Variants in LUZP2 observed in about 807,000 individuals in gnomAD.
The protein encoded by LUZP2 is leucine zipper protein 2.
In LUZP2, 52 loss-of-function variants were observed where a neutral mutation model predicts 51.6. The ratio of observed to expected loss-of-function variants is 1.01; its 90% CI spans 0.81 to 1.27. LUZP2 has a LOEUF of 1.27. Ranked by LOEUF, LUZP2 falls within the 50% of genes most tolerant of loss-of-function variation. The pLI is 0.00. For synonymous variants in LUZP2, 154 were observed against 137.3 expected (o/e 1.12, Z -0.85); for missense variants, 436 against 395.4 (o/e 1.10, Z -0.87).
chr11:24,849,843 T>C (rs961353124), intron 5 of LUZP2, among the ~76,000 whole-genome samples: 1 of 152,216 alleles, frequency 6.6e-6, no homozygotes, highest in African/African-American at 2.4e-5. Context: ...TGGTATCTCA[T>C]TGTGGTTTTC....
intron 7 of LUZP2, among the ~76,000 whole-genome samples, chr11:24,964,033 A>T (rs946025180): frequency 1.3e-5 from 2 of 152,198 alleles, no homozygotes; most frequent in African/African-American, 4.8e-5. Context: ...CAGAAGCAGG[A>T]TTACTGGGTC....
chr11:24,682,730 G>A (rs1052141838), intron 1 of LUZP2, among the ~76,000 whole-genome samples: 7 of 151,880 alleles, frequency 4.6e-5, no homozygotes, highest in African/African-American at 1.7e-4. Context: ...TAGTGGCCAG[G>A]TGCAGTGACT....
At chr11:24,788,432 C>G (rs1849310052) in intron 5 of LUZP2, among the ~76,000 whole-genome samples, 1 of 151,850 alleles carries the variant, frequency 6.6e-6, no homozygotes, top group Non-Finnish European at 1.5e-5. Flanking sequence ...TTGTGATCCA[C>G]CCACCTCGGC....
intron 5 of LUZP2, among the ~76,000 whole-genome samples, chr11:24,768,352 C>A (rs1054574764): frequency 6.6e-6 from 1 of 152,058 alleles, no homozygotes; most frequent in African/African-American, 2.4e-5. Context: ...TCAGGTGATC[C>A]ACCCGCCTTG....
chr11:24,660,058 G>A (rs1855966607), intron 1 of LUZP2, among the ~76,000 whole-genome samples: 1 of 152,162 alleles, frequency 6.6e-6, no homozygotes, highest in Admixed American at 6.5e-5. Flanking sequence ...CTAAAGTTCA[G>A]AGAGTGGAAG....
intron 1 of LUZP2, among the ~76,000 whole-genome samples, chr11:24,566,564 A>G (rs1188618223): frequency 2.0e-5 from 3 of 146,768 alleles, no homozygotes; most frequent in Non-Finnish European, 3.0e-5. Context: ...GTATGTGTAT[A>G]TATATCTATA....
rs568426475 is a variant in LUZP2 at position 24,698,628 on chromosome 11, A to G, written c.63-30541A>G. On this transcript the variant is annotated intron_variant, in intron 1 of 11. Coordinates refer to ENST00000336930, the MANE Select transcript of LUZP2 (RefSeq NM_001009909.4). Reference sequence around the variant, plus strand: ...ATTTTTAGTCAGAAGTGTGTAAGCTAGTGTTGGCTAGTGTTTCTGCTGTAT... The same window carrying G: ...ATTTTTAGTCAGAAGTGTGTAAGCTGGTGTTGGCTAGTGTTTCTGCTGTAT... Among the ~76,000 whole-genome samples, 15 of 152,336 alleles carry G rather than the reference A, an allele frequency of 9.8e-5. No homozygotes were observed. In the East Asian group the frequency reaches 2.7e-3, roughly 27 times the overall value.
At chr11:24,950,713 GT>G (rs906651669) in intron 7 of LUZP2, among the ~76,000 whole-genome samples, 22 of 151,030 alleles carry the variant, frequency 1.5e-4, no homozygotes, top group East Asian at 7.7e-4. Context: ...AAAAGCACCA[GT>G]TTTTTTTGCT....
intron 7 of LUZP2, among the ~76,000 whole-genome samples, chr11:24,935,574 G>T (rs1854563781): frequency 6.6e-6 from 1 of 151,776 alleles, no homozygotes; most frequent in East Asian, 1.9e-4. Context: ...TACTTCTCAG[G>T]GATTTACTGC....
chr11:24,785,647 G>A (rs1408304895), intron 5 of LUZP2, among the ~76,000 whole-genome samples: 1 of 151,888 alleles, frequency 6.6e-6, no homozygotes. Context: ...ATAATAACAT[G>A]TTATTATAAT....
At chr11:24,632,866 T>G (rs937139333) in intron 1 of LUZP2, among the ~76,000 whole-genome samples, 1 of 152,028 alleles carries the variant, frequency 6.6e-6, no homozygotes, top group African/African-American at 2.4e-5. Flanking sequence ...ATATTAGTAC[T>G]CACCCAATCT....
intron 1 of LUZP2, 110 bp downstream of exon 1, chr11:24,497,415 C>A: frequency 2.9e-6 from 2 of 683,742 alleles, no homozygotes; most frequent in Non-Finnish European, 4.4e-6. Context: ...TTGCATCTCC[C>A]GCCTAAGCAA....
intron 8 of LUZP2, among the ~76,000 whole-genome samples, chr11:24,977,384 C>A (rs1160396110): frequency 6.6e-6 from 1 of 151,342 alleles, no homozygotes; most frequent in East Asian, 2.0e-4. Context: ...AAATTACATA[C>A]AATGTAAAAA....
At chr11:24,507,243 G>A (rs1340520462) in intron 1 of LUZP2, among the ~76,000 whole-genome samples, 1 of 151,970 alleles carries the variant, frequency 6.6e-6, no homozygotes, top group East Asian at 1.9e-4. Flanking sequence ...ATGTATATGA[G>A]AGCTTAGAAA....
chr11:25,024,005 G>T (rs1857414043), intron 9 of LUZP2, among the ~76,000 whole-genome samples: 1 of 152,158 alleles, frequency 6.6e-6, no homozygotes, highest in Admixed American at 6.6e-5. Context: ...GAGACAGTTT[G>T]TTATAATTTC....
At chr11:24,959,106 T>G (rs1855306906) in intron 7 of LUZP2, among the ~76,000 whole-genome samples, 1 of 152,170 alleles carries the variant, frequency 6.6e-6, no homozygotes, top group Admixed American at 6.5e-5. Context: ...TCTGTTCCAT[T>G]GATCTATATC....
intron 1 of LUZP2, among the ~76,000 whole-genome samples, chr11:24,518,178 A>C (rs1480153801): frequency 6.6e-6 from 1 of 152,084 alleles, no homozygotes; most frequent in Admixed American, 6.5e-5. Context: ...ACCTCATTTA[A>C]TTAAGTTAGA....
intron 9 of LUZP2, among the ~76,000 whole-genome samples, chr11:25,046,826 A>C (rs1257194188): frequency 6.6e-6 from 1 of 152,220 alleles, no homozygotes; most frequent in Non-Finnish European, 1.5e-5. Flanking sequence ...TACAAACCAT[A>C]TATAGCATCA....
chr11:24,665,092 C>A (rs1470489774), intron 1 of LUZP2, among the ~76,000 whole-genome samples: 2 of 152,182 alleles, frequency 1.3e-5, no homozygotes, highest in Non-Finnish European at 2.9e-5. Context: ...CCCTGAAAAG[C>A]CACAGGGCAG....
Sources: gnomAD v4.1 joint callset for allele counts (sites outside exome capture counted in the v4.1 genomes callset) on GRCh38, gnomAD v4.1.1 for gene constraint, MANE v1.5 for transcripts, NCBI Gene and HGNC (gene_info 2026-07-23, HGNC 2026-07-21) for gene names.